SAP130: variants seen among roughly 807,000 people sequenced by gnomAD.
The protein encoded by SAP130 is histone deacetylase complex subunit SAP130.
In SAP130, 16 loss-of-function variants were observed where a neutral mutation model predicts 103.2. The ratio of observed to expected loss-of-function variants is 0.16; its 90% CI spans 0.10 to 0.24. The LOEUF (loss-of-function observed/expected upper bound fraction) is 0.24, where lower values mean the gene tolerates loss of function less well. SAP130 is among the 10% of genes least tolerant of loss of function. SAP130 has a pLI of 1.00. For missense variants in SAP130, 990 were observed against 1,359.7 expected, an observed-to-expected ratio of 0.73 and a Z score of 4.28; for synonymous variants, 477 against 497.0, an observed-to-expected ratio of 0.96 and a Z score of 0.53.
chr2:127,941,854 C>T lies in SAP130; in HGVS notation c.*152G>A. ...CCAGTCAGCTCTGATCCTTTCACGC[C>T]CTTGGATGTCATGGGTTCCTCTGCT... On this transcript the variant is annotated 3_prime_UTR_variant, in exon 21 of 21. Transcript: ENST00000643581. 1 of 712,498 alleles carries T rather than the reference C, an allele frequency of 1.4e-6. No individual in the cohort carries two copies. Among genetic ancestry groups the T allele is most frequent in the Non-Finnish European group, 2.3e-6 (1 of 426,804 alleles). The allele number at this position is 712,498 out of a possible 1,614,324, so 44.1% of individuals were successfully genotyped here.
intron 15 of SAP130, among the ~76,000 whole-genome samples, chr2:127,974,214 G>C (rs752221762): frequency 6.6e-6 from 1 of 152,142 alleles, no homozygotes; most frequent in Non-Finnish European, 1.5e-5. Context: ...AAATAAGTCA[G>C]ATCATGTCAC....
chr2:127,944,024 T>G (rs1559024204), intron 19 of SAP130, among the ~76,000 whole-genome samples: 2 of 152,210 alleles, frequency 1.3e-5, no homozygotes, highest in Non-Finnish European at 2.9e-5. Flanking sequence ...ATCTTTATTC[T>G]ATAAACTTTG....
At chr2:127,964,667 C>T (rs1180821812) in intron 15 of SAP130, among the ~76,000 whole-genome samples, 2 of 151,698 alleles carry the variant, frequency 1.3e-5, no homozygotes, top group Non-Finnish European at 2.9e-5. Flanking sequence ...ATAAAGGAAA[C>T]AATAAATATA....
chr2:128,000,571 A>C, intron 7 of SAP130, 117 bp from the exon 8 acceptor site: 1 of 1,178,792 alleles, frequency 8.5e-7, no homozygotes, highest in African/African-American at 1.5e-5. Context: ...TTAAACCAAT[A>C]CTTGGTCTTT....
rs773719746 is a variant in SAP130 at position 127,989,812 on chromosome 2, G to A, written c.1532C>T (p.Ala511Val). The A allele has an allele frequency of 3.7e-6, 6 of 1,614,148 alleles. No individual in the cohort carries two copies. Among genetic ancestry groups the A allele is most frequent in the African/African-American group, 1.3e-5 (1 of 75,036 alleles). Residue 511 changes from alanine to valine, a missense_variant, in exon 13 of 21, where the codon GCG becomes GTG. Coordinates refer to ENST00000643581, the MANE Select transcript of SAP130 (RefSeq NM_001330301.2). The surrounding 1 kb of genome is among the most constrained non-coding windows in gnomAD (Gnocchi z 4.6). Reference sequence around the variant, plus strand: ...CATGGGGTTTAGGTGGACGGTAGACGCTACCCCAACACCAGTCTGAGCTGT... The same window carrying A: ...CATGGGGTTTAGGTGGACGGTAGACACTACCCCAACACCAGTCTGAGCTGT... ...AITAQTGVGV[A>V]STVHLNPMQL...
chr2:128,019,497 G>A lies in SAP130; in HGVS notation c.113-1582C>T, dbSNP rs184809486. Reference sequence around the variant, plus strand: ...TTGCCTGGTCTGGTCTTGAATACCTGGGATCGAGTGTTCCTCCCACCTCTG... The same window carrying A: ...TTGCCTGGTCTGGTCTTGAATACCTAGGATCGAGTGTTCCTCCCACCTCTG... On this transcript the variant is annotated intron_variant, in intron 2 of 20. Coordinates refer to ENST00000643581, the MANE Select transcript of SAP130 (RefSeq NM_001330301.2). 1.4e-3 allele frequency among the ~76,000 whole-genome samples: 208 copies of A among 152,252 alleles called. 3 individuals carry two copies. The highest frequency in any genetic ancestry group is 4.5e-3 in the African/African-American group (189 of 41,576).
chr2:127,978,710 T>C (rs1681649808), intron 14 of SAP130, among the ~76,000 whole-genome samples: 1 of 152,052 alleles, frequency 6.6e-6, no homozygotes, highest in Non-Finnish European at 1.5e-5. Flanking sequence ...CAACACATAA[T>C]CACTAATGGA....
intron 15 of SAP130, among the ~76,000 whole-genome samples, chr2:127,970,951 TTCTC>T (rs912430771): frequency 5.9e-5 from 9 of 151,990 alleles, no homozygotes; most frequent in South Asian, 2.1e-4. Context: ...TCTTTTATCT[TTCTC>T]TCTTTTTTTT....
chr2:127,986,359 C>T lies in SAP130; in HGVS notation c.1958+426G>A. ...AGCAGGGCAATGAAGAAGCGAGCCACTCCCACTGTTGCACGCCCTGCGAGG... is the reference window on the plus strand; with the variant it reads ...AGCAGGGCAATGAAGAAGCGAGCCATTCCCACTGTTGCACGCCCTGCGAGG... On this transcript the variant is annotated intron_variant, in intron 14 of 20. Transcript: ENST00000643581. The surrounding 1 kb of genome is among the most constrained non-coding windows in gnomAD (Gnocchi z 4.7). Among the ~76,000 whole-genome samples the T allele has an allele frequency of 6.6e-6, 1 of 152,346 alleles. No individual in the cohort carries two copies. Among genetic ancestry groups the T allele is most frequent in the East Asian group, 1.9e-4 (1 of 5,186 alleles).
chr2:127,963,698 C>T (rs1366882276), intron 15 of SAP130, among the ~76,000 whole-genome samples: 1 of 152,076 alleles, frequency 6.6e-6, no homozygotes, highest in East Asian at 1.9e-4. Context: ...GGGGGCGGGT[C>T]TTTCTTGTGC....
intron 18 of SAP130, among the ~76,000 whole-genome samples, chr2:127,947,552 T>C (rs1679168845): frequency 6.6e-6 from 1 of 152,214 alleles, no homozygotes; most frequent in Admixed American, 6.5e-5. Flanking sequence ...ATAAAATAAA[T>C]TTGGAATGTC....
At chr2:127,997,908 G>C (rs1683281163) in intron 10 of SAP130, among the ~76,000 whole-genome samples, 1 of 152,176 alleles carries the variant, frequency 6.6e-6, no homozygotes, top group Non-Finnish European at 1.5e-5. Context: ...GAGGTCAGGA[G>C]TTCGAGACCA....
intron 13 of SAP130, among the ~76,000 whole-genome samples, chr2:127,987,789 A>T (rs1682505053): frequency 6.6e-6 from 1 of 152,156 alleles, no homozygotes; most frequent in Admixed American, 6.5e-5. Context: ...CTCAACCCTC[A>T]ATAATGGTAC....
chr2:127,941,868 G>C lies in SAP130; in HGVS notation c.*138C>G. On this transcript the variant is annotated 3_prime_UTR_variant, in exon 21 of 21. Transcript: ENST00000643581. Reference sequence around the variant, plus strand: ...TCCTTTCACGCCCTTGGATGTCATGGGTTCCTCTGCTTTCACACGGGAACT... The same window carrying C: ...TCCTTTCACGCCCTTGGATGTCATGCGTTCCTCTGCTTTCACACGGGAACT... The C allele has an allele frequency of 1.3e-6, 1 of 782,032 alleles. No individual in the cohort carries two copies. Among genetic ancestry groups the C allele is most frequent in the Non-Finnish European group, 2.1e-6 (1 of 481,892 alleles). The allele number at this position is 782,032 out of a possible 1,614,324, so 48.4% of individuals were successfully genotyped here.
intron 15 of SAP130, among the ~76,000 whole-genome samples, chr2:127,959,959 T>C (rs959326339): frequency 2.6e-5 from 4 of 152,198 alleles, no homozygotes; most frequent in South Asian, 2.1e-4. Context: ...GGCATGATCA[T>C]TGAGCACTAC....
chr2:127,941,941 A>AACATCCCCCCCC lies in SAP130; in HGVS notation c.*64_*65insGGGGGGGGATGT. 1 of 276,732 alleles carries AACATCCCCCCCC rather than the reference A, an allele frequency of 3.6e-6. No homozygotes were observed. Among genetic ancestry groups the AACATCCCCCCCC allele is most frequent in the Non-Finnish European group, 6.9e-6 (1 of 145,392 alleles). 17.1% of individuals were successfully genotyped at this position (276,732 alleles called of 1,614,324 possible). ...ATGTTCCACTTTGGAAAAAACCAAA[A>AACATCCCCCCCC]CCCTCCCCCCACCCCCACCATCATT... On this transcript the variant is annotated 3_prime_UTR_variant, in exon 21 of 21. Transcript: ENST00000643581.
rs1413905058 is a variant in SAP130, at chr2:127,978,306, C to T, written c.1959-217G>A. Among the ~76,000 whole-genome samples the T allele has an allele frequency of 3.9e-5, 6 of 152,082 alleles. No individual in the cohort carries two copies. The South Asian group carries it at 6.2e-4, about 16-fold the overall frequency. ...AATCTTAAAAAAAAAAAGAGCAGGT[C>T]CCTTCCCCATTCCTGCTCACTTCCT... On this transcript the variant is annotated intron_variant, in intron 14 of 20. Transcript: ENST00000643581.
At chr2:128,003,728 C>T (rs1683741083) in intron 7 of SAP130, among the ~76,000 whole-genome samples, 1 of 151,634 alleles carries the variant, frequency 6.6e-6, no homozygotes, top group South Asian at 2.1e-4. Flanking sequence ...AATCTGTTGT[C>T]TAATCACCAT....
At chr2:127,973,033 A>T (rs1681199125) in intron 15 of SAP130, among the ~76,000 whole-genome samples, 1 of 152,180 alleles carries the variant, frequency 6.6e-6, no homozygotes, top group Non-Finnish European at 1.5e-5. Context: ...CAGTATAGGG[A>T]AACAGTCACT....
Sources: allele counts gnomAD v4.1 joint callset (sites outside exome capture counted in the v4.1 genomes callset), GRCh38; gene constraint gnomAD v4.1.1; non-coding constraint Gnocchi (gnomAD v3.1); transcripts MANE v1.5; gene names NCBI Gene and HGNC (gene_info 2026-07-23, HGNC 2026-07-21).